The following KIRREL3 variants were observed in gnomAD, a reference collection of about 807,000 sequenced individuals.
KIRREL3 encodes the protein kirre like nephrin family adhesion molecule 3.
A neutral mutation model predicts 89.7 loss-of-function variants in KIRREL3; 36 were observed. The observed-to-expected ratio is 0.40, with a 90% CI of 0.31 to 0.53. KIRREL3 has a LOEUF of 0.53. KIRREL3 is among the 20% of genes least tolerant of loss of function. The pLI is 0.49. For synonymous variants in KIRREL3, 445 were observed against 441.4 expected (o/e 1.01, Z -0.10); for missense variants, 864 against 1,056.6 (o/e 0.82, Z 2.53).
rs1004640774 is a variant in KIRREL3 at position 126,454,896 on chromosome 11, G to A, written c.848+1453C>T. Among the ~76,000 whole-genome samples, 5 of 152,160 alleles carry A rather than the reference G, an allele frequency of 3.3e-5. No homozygotes were observed. The highest frequency in any genetic ancestry group is 1.2e-4 in the African/African-American group (5 of 41,416). On this transcript the variant is annotated intron_variant, in intron 7 of 16. Transcript: ENST00000525144. This position sits in a 1 kb window ranked among gnomAD's most constrained non-coding sequence, Gnocchi z 5.8. ...TTTCATCCTATTTAAAAATATCCTT[G>A]GGGATAGGAACTCTGGGCTCTGCCT... is the stretch of plus-strand genomic sequence containing the variant.
At chr11:126,599,542 G>C (rs1474762989) in intron 1 of KIRREL3, among the ~76,000 whole-genome samples, 1 of 152,158 alleles carries the variant, frequency 6.6e-6, no homozygotes, top group Non-Finnish European at 1.5e-5. Context: ...CAGAGACATA[G>C]AGGCCCACAT....
chr11:126,921,688 C>T (rs1020388586), intron 1 of KIRREL3, among the ~76,000 whole-genome samples: 11 of 150,874 alleles, frequency 7.3e-5, no homozygotes, highest in Non-Finnish European at 1.3e-4. Context: ...ATCTATCTAT[C>T]TGTCTGTCTT....
intron 7 of KIRREL3, among the ~76,000 whole-genome samples, chr11:126,451,498 ATG>A (rs1227693324): frequency 1.2e-4 from 17 of 139,638 alleles, no homozygotes; most frequent in Admixed American, 3.5e-4. Context: ...ATGTGTGTGC[ATG>A]TGTGAGTGTG....
Position 126,566,516 on chromosome 11 carries a change from T to C in KIRREL3, c.56-3604A>G, listed in dbSNP as rs142828199. ...TGTGAAGGGTTCCTTCTGACTCGGG[T>C]CAGAATGAAAATAAGTGGGCTTCAC... On this transcript the variant is annotated intron_variant, in intron 1 of 16. Transcript: ENST00000525144. The surrounding 1 kb of genome is among the most constrained non-coding windows in gnomAD (Gnocchi z 4.9). Among the ~76,000 whole-genome samples the C allele has an allele frequency of 2.0e-3, 303 of 152,232 alleles. 2 individuals carry two copies. The highest frequency in any genetic ancestry group is 6.5e-3 in the African/African-American group (272 of 41,536).
In KIRREL3 at chr11:126,653,870, A is replaced by AT. The variant is rs1472375782; in HGVS notation, c.56-90959dup. 6.6e-6 allele frequency among the ~76,000 whole-genome samples: 1 copy of AT among 152,168 alleles called. No individual in the cohort carries two copies. Among genetic ancestry groups the AT allele is most frequent in the Non-Finnish European group, 1.5e-5 (1 of 68,012 alleles). ...ATGTCACCTTTGTTCCTCTATAGCCATTTTTAGTTGCACCAAAGGGGGGAG... is the reference window on the plus strand; with the variant it reads ...ATGTCACCTTTGTTCCTCTATAGCCATTTTTTAGTTGCACCAAAGGGGGGAG... On this transcript the variant is annotated intron_variant, in intron 1 of 16. Coordinates refer to ENST00000525144, the MANE Select transcript of KIRREL3 (RefSeq NM_032531.4). This position sits in a 1 kb window ranked among gnomAD's most constrained non-coding sequence, Gnocchi z 5.4.
Position 126,528,787 on chromosome 11 carries a change from C to T in KIRREL3, c.134-2100G>A, listed in dbSNP as rs747974223. Among the ~76,000 whole-genome samples, 28 of 124,746 alleles carry T rather than the reference C, an allele frequency of 2.2e-4. No individual in the cohort carries two copies. Among genetic ancestry groups the T allele is most frequent in the East Asian group, 5.4e-4 (2 of 3,686 alleles). The allele number at this position is 124,746 out of a possible 152,430, so 81.8% of individuals were successfully genotyped here. ...AGAGAGCAAAGGAGTGAAGTGAGGA[C>T]GTGGGAGAGAAGAGGAGAGGGAGAG... On this transcript the variant is annotated intron_variant, in intron 2 of 16. Transcript: ENST00000525144. This position sits in a 1 kb window ranked among gnomAD's most constrained non-coding sequence, Gnocchi z 4.6.
At chr11:126,916,588 G>A (rs1247142988) in intron 1 of KIRREL3, among the ~76,000 whole-genome samples, 5 of 152,134 alleles carry the variant, frequency 3.3e-5, no homozygotes, top group African/African-American at 9.7e-5. Context: ...GGTACAGAAA[G>A]CCAGGCTGTG....
chr11:126,433,685 G>A (rs918578319), intron 13 of KIRREL3, among the ~76,000 whole-genome samples: 1 of 152,230 alleles, frequency 6.6e-6, no homozygotes, highest in African/African-American at 2.4e-5. Flanking sequence ...AGACGACAAC[G>A]TCTCTAGGTT....
chr11:126,678,599 CAAA>C lies in KIRREL3; in HGVS notation c.56-115690_56-115688del, dbSNP rs59342253. On this transcript the variant is annotated intron_variant, in intron 1 of 16. Transcript: ENST00000525144. Reference sequence around the variant, plus strand: ...TGGGCGATAGAGCAAGACTCTGTCTCAAAAAAAAAAAAAAAAAAAAAAAAAAAG... The same window carrying C: ...TGGGCGATAGAGCAAGACTCTGTCTCAAAAAAAAAAAAAAAAAAAAAAAAG... Among the ~76,000 whole-genome samples, 369 of 50,000 alleles carry C rather than the reference CAAA, an allele frequency of 7.4e-3. 2 individuals carry two copies. The highest frequency in any genetic ancestry group is 0.029 in the African/African-American group (348 of 12,182). The allele number at this position is 50,000 out of a possible 152,430, so 32.8% of individuals were successfully genotyped here. A position where few individuals can be genotyped will look rare whatever the true frequency, so the allele number is the denominator to read the frequency against.
At chr11:126,866,473 C>A (rs995353937) in intron 1 of KIRREL3, among the ~76,000 whole-genome samples, 1 of 152,166 alleles carries the variant, frequency 6.6e-6, no homozygotes, top group Admixed American at 6.5e-5. Flanking sequence ...TCGCTCCTTG[C>A]CAGTGACAGT....
At chr11:126,884,191 C>T (rs750205186) in intron 1 of KIRREL3, among the ~76,000 whole-genome samples, 2 of 152,178 alleles carry the variant, frequency 1.3e-5, no homozygotes, top group Admixed American at 6.5e-5. Context: ...AGCCTGGGTC[C>T]ACCCGCAGAA....
rs376743687 is a variant in KIRREL3, at chr11:126,473,387, G to C, written c.513C>G (p.His171Gln). ...RAGDPLNLTC[H>Q]ADNAKPAASI... ...AGGCTGCAGGCTTGGCATTGTCTGC[G>C]TGGCAGGTGAGGTTGAGAGGGTCCC... Residue 171 changes from histidine (H) to glutamine (Q), a missense_variant, in exon 5 of 17, where the codon CAC (histidine) becomes CAG (glutamine). Physicochemically the swap from His to Gln is conservative, Grantham distance 24. Coordinates refer to ENST00000525144, the MANE Select transcript of KIRREL3 (RefSeq NM_032531.4). The C allele has an allele frequency of 6.5e-5, 103 of 1,585,334 alleles. 1 individual carries two copies. Among genetic ancestry groups the C allele is most frequent in the Admixed American group, 5.2e-4 (29 of 56,290 alleles).
chr11:126,995,456 G>C lies in KIRREL3; in HGVS notation c.55+4999C>G, dbSNP rs1950157345. The C allele has an allele frequency of 2.6e-6, 1 of 391,244 alleles. No individual in the cohort carries two copies. Among genetic ancestry groups the C allele is most frequent in the Non-Finnish European group, 5.0e-6 (1 of 198,970 alleles). 24.2% of individuals were successfully genotyped at this position (391,244 alleles called of 1,614,324 possible). ...ACCCCAATAAAAAAACGCCTGCACTGTTTTTCACCTAAGGTCATCTCGACA... is the reference window on the plus strand; with the variant it reads ...ACCCCAATAAAAAAACGCCTGCACTCTTTTTCACCTAAGGTCATCTCGACA... On this transcript the variant is annotated intron_variant, in intron 1 of 16. Coordinates refer to ENST00000525144, the MANE Select transcript of KIRREL3 (RefSeq NM_032531.4). The surrounding 1 kb of genome is among the most constrained non-coding windows in gnomAD (Gnocchi z 6.5).
Position 126,578,410 on chromosome 11 carries a change from T to C in KIRREL3, c.56-15498A>G, listed in dbSNP as rs532075591. 1.3e-5 allele frequency among the ~76,000 whole-genome samples: 2 copies of C among 152,326 alleles called. No homozygotes were observed. The highest frequency in any genetic ancestry group is 3.9e-4 in the East Asian group (2 of 5,184). On this transcript the variant is annotated intron_variant, in intron 1 of 16. Coordinates refer to ENST00000525144, the MANE Select transcript of KIRREL3 (RefSeq NM_032531.4). The surrounding 1 kb of genome is among the most constrained non-coding windows in gnomAD (Gnocchi z 4.9). ...TTCACACGCTAGGAAAGAAAAGGGA[T>C]GATCTTGGTCTTGGCGTGAACTTCC...
At position 126,995,809 on chromosome 11, in the gene KIRREL3, A is replaced by G. The variant is rs1172708806; in HGVS notation, c.55+4646T>C. 2.0e-5 allele frequency among the ~76,000 whole-genome samples: 3 copies of G among 152,192 alleles called. No homozygotes were observed. Among genetic ancestry groups the G allele is most frequent in the African/African-American group, 4.8e-5 (2 of 41,448 alleles). On this transcript the variant is annotated intron_variant, in intron 1 of 16. Transcript: ENST00000525144. The surrounding 1 kb of genome is among the most constrained non-coding windows in gnomAD (Gnocchi z 6.5). The stretch of plus-strand genomic sequence containing the variant: ...GCCTAAGTCATCCCCACTGGGCTGA[A>G]CAAAAAAGAAAAACTGCATCTTCGG...
intron 6 of KIRREL3, among the ~76,000 whole-genome samples, chr11:126,461,608 G>C (rs1187280236): frequency 3.3e-5 from 5 of 152,194 alleles, no homozygotes; most frequent in Non-Finnish European, 7.4e-5. Flanking sequence ...TTGTGTGTGG[G>C]TATCTTGAGC....
At chr11:126,505,453 C>T (rs922229227) in intron 4 of KIRREL3, among the ~76,000 whole-genome samples, 1 of 152,100 alleles carries the variant, frequency 6.6e-6, no homozygotes, top group Admixed American at 6.6e-5. Context: ...TGCCTGTAAT[C>T]CCAGCTACTC....
intron 1 of KIRREL3, among the ~76,000 whole-genome samples, chr11:126,745,109 G>C (rs1243251847): frequency 6.6e-6 from 1 of 152,128 alleles, no homozygotes; most frequent in African/African-American, 2.4e-5. Context: ...TTCCTTGAGA[G>C]GATCTCATGG....
intron 5 of KIRREL3, among the ~76,000 whole-genome samples, chr11:126,472,658 G>A (rs767806084): frequency 3.3e-5 from 5 of 150,280 alleles, no homozygotes; most frequent in Non-Finnish European, 4.4e-5. Context: ...GTCTGACCAT[G>A]GCCTATTGTT....
Sources: allele counts gnomAD v4.1 joint callset (sites outside exome capture counted in the v4.1 genomes callset), GRCh38; gene constraint gnomAD v4.1.1; non-coding constraint Gnocchi (gnomAD v3.1); transcripts MANE v1.5; gene names NCBI Gene and HGNC (gene_info 2026-07-23, HGNC 2026-07-21).